The following ROBO2 variants were observed in gnomAD, a reference collection of about 807,000 sequenced individuals.
ROBO2 encodes the protein roundabout guidance receptor 2, also known as roundabout homolog 2.
In ROBO2, 53 loss-of-function variants were observed where a neutral mutation model predicts 160.8. The observed-to-expected ratio is 0.33, with a 90% CI of 0.26 to 0.41. The LOEUF (loss-of-function observed/expected upper bound fraction) is 0.41, where lower values mean the gene tolerates loss of function less well. Among genes scored for constraint, ROBO2 ranks in the 10% least tolerant of loss-of-function variants. ROBO2 has a pLI of 1.00. For missense variants in ROBO2, 1,577 were observed against 1,722.4 expected, an observed-to-expected ratio of 0.92 and a Z score of 1.49; for synonymous variants, 664 against 611.7, an observed-to-expected ratio of 1.09 and a Z score of -1.26.
At chr3:76,587,053 T>G in intron 2 of ROBO2, among the ~76,000 whole-genome samples, 1 of 152,176 alleles carries the variant, frequency 6.6e-6, no homozygotes, top group South Asian at 2.1e-4. Context: ...CATGATACAA[T>G]TGCTCCTTCA....
intron 2 of ROBO2, among the ~76,000 whole-genome samples, chr3:76,594,504 C>T (rs978601723): frequency 6.6e-6 from 1 of 152,016 alleles, no homozygotes; most frequent in Admixed American, 6.6e-5. Flanking sequence ...GAATTACTCT[C>T]ATATTTAATA....
chr3:77,371,268 G>A (rs947195618), intron 2 of ROBO2, among the ~76,000 whole-genome samples: 1 of 152,160 alleles, frequency 6.6e-6, no homozygotes, highest in Non-Finnish European at 1.5e-5. Context: ...CTGAATGATT[G>A]CTTAACTGTT....
At chr3:76,452,624 G>T (rs7372755) in intron 2 of ROBO2, among the ~76,000 whole-genome samples, 7 of 151,908 alleles carry the variant, frequency 4.6e-5, no homozygotes, top group East Asian at 1.9e-4. Context: ...GAATAGTGCC[G>T]CAATATACAT....
At chr3:77,636,851 A>G (rs1249176400) in intron 24 of ROBO2, among the ~76,000 whole-genome samples, 1 of 152,240 alleles carries the variant, frequency 6.6e-6, no homozygotes, top group African/African-American at 2.4e-5. Flanking sequence ...TTTACAGAAT[A>G]TAGTCTATTT....
At chr3:77,152,081 C>A (rs1470077597) in intron 2 of ROBO2, among the ~76,000 whole-genome samples, 1 of 152,138 alleles carries the variant, frequency 6.6e-6, no homozygotes, top group East Asian at 1.9e-4. Context: ...TCCTGTTACT[C>A]AATGTATTCA....
At position 76,546,786 on chromosome 3, in the gene ROBO2, C is replaced by T. The variant is rs528233579; in HGVS notation, c.110-551228C>T. Among the ~76,000 whole-genome samples the T allele has an allele frequency of 3.0e-4, 46 of 151,200 alleles. 2 individuals are homozygous for T. Among genetic ancestry groups the T allele is most frequent in the South Asian group, 2.7e-3 (13 of 4,812 alleles). Reference sequence around the variant, plus strand: ...GTTTCTACTACAAGGAAGTCTAACACGAGTTTTTTTTTTAAGTCTAACACT... The same window carrying T: ...GTTTCTACTACAAGGAAGTCTAACATGAGTTTTTTTTTTAAGTCTAACACT... On this transcript the variant is annotated intron_variant, in intron 2 of 26. Coordinates refer to the ROBO2 transcript ENST00000487694.
chr3:76,384,737 T>G (rs2108587264), intron 2 of ROBO2, among the ~76,000 whole-genome samples: 1 of 152,224 alleles, frequency 6.6e-6, no homozygotes, highest in South Asian at 2.1e-4. Flanking sequence ...AAGCCCCTTA[T>G]AAAACCATCA....
chr3:76,465,823 G>A lies in ROBO2; in HGVS notation c.109+528221G>A, dbSNP rs143693146. ...AAATATTATGAAGACCACTGCCTAA[G>A]GGAGATTGAAATCAAGGCATTTTAA... On this transcript the variant is annotated intron_variant, in intron 2 of 26. Transcript: ENST00000487694. Among the ~76,000 whole-genome samples the A allele has an allele frequency of 1.8e-4, 27 of 152,106 alleles. No individual in the cohort carries two copies. In the East Asian group the frequency reaches 4.8e-3, roughly 27 times the overall value.
intron 2 of ROBO2, among the ~76,000 whole-genome samples, chr3:77,398,256 G>T (rs896088584): frequency 6.6e-6 from 1 of 152,126 alleles, no homozygotes; most frequent in African/African-American, 2.4e-5. Context: ...ATGCGGGAGG[G>T]AGTGAGTTAG....
rs539193635 is a variant in ROBO2 at position 76,285,312 on chromosome 3, T to A, written c.109+347710T>A. On this transcript the variant is annotated intron_variant, in intron 2 of 26. Coordinates refer to the ROBO2 transcript ENST00000487694. ...TTATTTTATTGCAAACAACTAGTTA[T>A]AAGCTTAAGTGCATCAACTCAGTAA... Among the ~76,000 whole-genome samples, 546 of 152,230 alleles carry A rather than the reference T, an allele frequency of 3.6e-3. 3 individuals are homozygous for A. Among genetic ancestry groups the A allele is most frequent in the Non-Finnish European group, 5.8e-3 (395 of 67,996 alleles).
At chr3:76,874,240 A>G (rs977175587) in intron 2 of ROBO2, among the ~76,000 whole-genome samples, 1 of 152,122 alleles carries the variant, frequency 6.6e-6, no homozygotes, top group Admixed American at 6.5e-5. Flanking sequence ...TTGACTTCCA[A>G]CAACCATTAA....
At chr3:75,927,806 A>G (rs1947346824) in intron 1 of ROBO2, among the ~76,000 whole-genome samples, 2 of 152,152 alleles carry the variant, frequency 1.3e-5, no homozygotes, top group South Asian at 4.1e-4. Context: ...TGATTTAACA[A>G]ATTCTCCTCT....
At chr3:77,614,215 G>A (rs748097212) in intron 21 of ROBO2, among the ~76,000 whole-genome samples, 8 of 152,072 alleles carry the variant, frequency 5.3e-5, no homozygotes, top group South Asian at 2.1e-4. Flanking sequence ...TAGAGGATGC[G>A]AAAAACTGAA....
At chr3:76,882,252 C>T (rs1029868937) in intron 2 of ROBO2, among the ~76,000 whole-genome samples, 9 of 151,978 alleles carry the variant, frequency 5.9e-5, no homozygotes, top group African/African-American at 1.9e-4. Flanking sequence ...ATCCATGTTT[C>T]AAGATGTAAA....
chr3:77,137,206 A>C (rs2150395509), intron 2 of ROBO2, among the ~76,000 whole-genome samples: 1 of 152,346 alleles, frequency 6.6e-6, no homozygotes, highest in Non-Finnish European at 1.5e-5. Flanking sequence ...TCAAGAAAAT[A>C]AAGCCATCAC....
chr3:76,124,807 A>G (rs1263498918), intron 2 of ROBO2, among the ~76,000 whole-genome samples: 2 of 152,132 alleles, frequency 1.3e-5, no homozygotes, highest in Non-Finnish European at 2.9e-5. Context: ...ATTTGTAATA[A>G]AATTTACCAA....
chr3:77,249,230 T>A (rs1441450185), intron 2 of ROBO2, among the ~76,000 whole-genome samples: 1 of 152,240 alleles, frequency 6.6e-6, no homozygotes, highest in Non-Finnish European at 1.5e-5. Context: ...CAGAAAAACC[T>A]CTGCTGAATT....
intron 2 of ROBO2, among the ~76,000 whole-genome samples, chr3:77,462,273 T>A (rs1198843048): frequency 1.3e-5 from 2 of 152,160 alleles, no homozygotes; most frequent in African/African-American, 2.4e-5. Context: ...CAAAAGGTTG[T>A]CATCGAATTC....
chr3:76,799,163 G>A (rs983213681), intron 2 of ROBO2, among the ~76,000 whole-genome samples: 5 of 150,762 alleles, frequency 3.3e-5, no homozygotes. Context: ...GCGGTGAGCC[G>A]AGATGGCGCC....
Sources: allele counts gnomAD v4.1 joint callset (sites outside exome capture counted in the v4.1 genomes callset), GRCh38; gene constraint gnomAD v4.1.1; transcripts MANE v1.5; gene names NCBI Gene and HGNC (gene_info 2026-07-23, HGNC 2026-07-21).